EGLN2: variants seen among roughly 807,000 people sequenced by gnomAD.
EGLN2 encodes the protein egl-9 family hypoxia inducible factor 2.
In EGLN2, 15 loss-of-function variants were observed where a neutral mutation model predicts 38.2. The ratio of observed to expected loss-of-function variants is 0.39; its 90% confidence interval spans 0.26 to 0.60. The LOEUF (loss-of-function observed/expected upper bound fraction) is 0.60. Among genes scored for constraint, EGLN2 ranks in the 20% least tolerant of loss-of-function variants. The pLI is 0.50. For missense variants in EGLN2, 492 were observed against 570.4 expected (o/e 0.86, Z 1.40); for synonymous variants, 284 against 237.4 (o/e 1.20, Z -1.81).
chr19:40,801,507 C>CAG, intron 2 of EGLN2, 92 bp downstream of exon 2: 1 of 1,513,110 alleles, frequency 6.6e-7, no homozygotes, highest in Non-Finnish European at 8.8e-7. Context: ...TGGAGACAGG[C>CAG]TTCTGGGAGG....
intron 2 of EGLN2, among the ~76,000 whole-genome samples, chr19:40,803,815 C>T (rs961553089): frequency 2.0e-5 from 3 of 152,084 alleles, no homozygotes; most frequent in African/African-American, 7.2e-5. Context: ...TCACAGGCTT[C>T]TGACTGGGGT....
In EGLN2 at chr19:40,800,781, C is replaced by T. The variant is rs2083250256; in HGVS notation, c.209C>T (p.Ser70Phe). 1.9e-6 allele frequency: 3 copies of T among 1,613,336 alleles called. No homozygotes were observed. The highest frequency in any genetic ancestry group is 2.5e-6 in the Non-Finnish European group (3 of 1,179,708). ...GGGACCCCCAGAGCCACAGCCACCTCTACCACTGCCAGCCCTCTTCGGGAC... is the reference window on the plus strand; with the variant it reads ...GGGACCCCCAGAGCCACAGCCACCTTTACCACTGCCAGCCCTCTTCGGGAC... The part of the protein sequence containing the change: ...GSGTPRATAT[S>F]TTASPLRDGF... The change falls in exon 2 of 6, where the codon TCT becomes TTT. Residue 70 changes from serine (S) to phenylalanine (F), a missense_variant. This residue lies in a region of EGLN2 where 378 missense variants were observed against 386.2 expected (regional missense o/e 0.98). Transcript: ENST00000303961.
intron 5 of EGLN2, 71 bp downstream of exon 5, chr19:40,807,622 C>A: frequency 6.5e-7 from 1 of 1,535,666 alleles, no homozygotes; most frequent in Non-Finnish European, 9.0e-7. Context: ...CCCCATCCCC[C>A]TCATCAGCCT....
At chr19:40,806,335 G>A in intron 2 of EGLN2, 1 of 790,436 alleles carries the variant, frequency 1.3e-6, no homozygotes, top group Non-Finnish European at 1.9e-6. Context: ...TTGGGAGGGA[G>A]TGGGCTCTTG....
chr19:40,802,587 T>TG (rs2083270514), intron 2 of EGLN2, among the ~76,000 whole-genome samples: 1 of 152,262 alleles, frequency 6.6e-6, no homozygotes. Flanking sequence ...CTCATTTGCT[T>TG]GGAGTTTCCG....
rs540150244 is a variant in EGLN2 at position 40,808,286 on chromosome 19, A to G, written c.*422A>G. 1 of 416,798 alleles carries G rather than the reference A, an allele frequency of 2.4e-6. No individual in the cohort carries two copies. Among genetic ancestry groups the G allele is most frequent in the African/African-American group, 2.0e-5 (1 of 49,046 alleles). 25.8% of individuals were successfully genotyped at this position (416,798 alleles called of 1,614,324 possible). ...AGTCCTCTCACTCCTCCAGCCTGGA[A>G]TGTGAAGTGACTCCCCAACCCCTTT... On this transcript the variant is annotated 3_prime_UTR_variant, in exon 6 of 6. Coordinates refer to ENST00000303961, the MANE Select transcript of EGLN2 (RefSeq NM_080732.4).
intron 4 of EGLN2, 46 bp from the exon 5 acceptor site, chr19:40,807,438 T>G: frequency 6.2e-7 from 1 of 1,611,548 alleles, no homozygotes; most frequent in South Asian, 1.1e-5. Context: ...GTGGATATGG[T>G]AGCTGGAATT....
At chr19:40,806,460 G>A in intron 2 of EGLN2, 95 bp from the exon 3 acceptor site, 2 of 1,572,954 alleles carry the variant, frequency 1.3e-6, no homozygotes, top group South Asian at 1.2e-5. Context: ...GGGAAGATGG[G>A]GCAAGGAGGG....
At chr19:40,807,356 C>T (rs144553930) in intron 4 of EGLN2, 82 bp downstream of exon 4, 33,477 of 1,605,396 alleles carry the variant, frequency 0.021, 363 homozygotes, top group Non-Finnish European at 0.023. Flanking sequence ...GACTAGGGAG[C>T]GACGAAGTAT....
At chr19:40,799,561 G>T (rs1409614228) in intron 1 of EGLN2, 1 of 151,916 alleles carries the variant, frequency 6.6e-6, no homozygotes. Flanking sequence ...GCTCAGAAGG[G>T]GCCTCAGGGC....
Position 40,808,013 on chromosome 19 carries a change from A to T in EGLN2, c.*149A>T. On this transcript the variant is annotated 3_prime_UTR_variant, in exon 6 of 6. Transcript: ENST00000303961. ...TGGAGGGCTCTGTCTGTTGCTGAGG[A>T]CCAAGGAGGAGAAGAGACCTTTGCT... 1.3e-6 allele frequency: 1 copy of T among 760,564 alleles called. No homozygotes were observed. Among genetic ancestry groups the T allele is most frequent in the Non-Finnish European group, 2.1e-6 (1 of 465,926 alleles). 47.1% of individuals were successfully genotyped at this position (760,564 alleles called of 1,614,324 possible). A position where few individuals can be genotyped will look rare whatever the true frequency, so the allele number is the denominator to read the frequency against.
At chr19:40,807,778 C>G (rs1237356619) in intron 5 of EGLN2, 31 bp from the exon 6 acceptor site, 1 of 1,611,972 alleles carries the variant, frequency 6.2e-7, no homozygotes, top group African/African-American at 1.3e-5. Context: ...CTTCTGATGA[C>G]TCACTGTCTC....
intron 2 of EGLN2, chr19:40,806,017 T>G (rs117139969): frequency 0.016 from 2,462 of 153,474 alleles, 29 homozygotes; most frequent in Non-Finnish European, 0.023. Flanking sequence ...TGGGGATTCT[T>G]TGTAGTCCAG....
At chr19:40,799,625 C>A (rs34406232) in intron 1 of EGLN2, 2,755 of 152,312 alleles carry the variant, frequency 0.018, 39 homozygotes, top group Non-Finnish European at 0.026. Flanking sequence ...CTTTATCTCT[C>A]GTCCTGTCTC....
rs2083252205 is a variant in EGLN2 at position 40,800,958 on chromosome 19, C to T, written c.386C>T (p.Pro129Leu). The change falls in exon 2 of 6, where the codon CCT (proline) becomes CTT (leucine). Residue 129 changes from proline (P) to leucine (L), a missense_variant. Coordinates refer to ENST00000303961, the MANE Select transcript of EGLN2 (RefSeq NM_080732.4). The part of the protein sequence containing the change: ...RKWAEDGGDA[P>L]SPSKRPWARQ... ...TGGGCCGAGGATGGTGGGGATGCCC[C>T]TTCACCCAGCAAACGGCCCTGGGCC... 3 of 1,611,200 alleles carry T rather than the reference C, an allele frequency of 1.9e-6. No individual in the cohort carries two copies. The highest frequency in any genetic ancestry group is 2.2e-5 in the East Asian group (1 of 44,816).
In EGLN2 at chr19:40,800,881, G is replaced by C. The variant is rs771028886; in HGVS notation, c.309G>C (p.Gly103=). The C allele has an allele frequency of 1.9e-6, 3 of 1,611,448 alleles. No homozygotes were observed. The highest frequency in any genetic ancestry group is 2.5e-6 in the Non-Finnish European group (3 of 1,179,232). Residue 103 remains glycine (G), a synonymous_variant, in exon 2 of 6, where the codon GGG becomes GGC. Transcript: ENST00000303961. ...GCGCTGCAGCGCTGGTCACCAAGGG[G>C]TGCCAGCGATTGGCAGCCCAGGGCG... The part of the protein sequence containing the change: ...SEGAAALVTK[G]CQRLAAQGAR...
chr19:40,804,788 C>T (rs1050451841), intron 2 of EGLN2: 1 of 152,170 alleles, frequency 6.6e-6, no homozygotes, highest in African/African-American at 2.4e-5. Flanking sequence ...AAGAAGGTGC[C>T]CCCTCCTGAA....
In EGLN2 at chr19:40,801,106, C is replaced by T. The variant is rs760435981; in HGVS notation, c.534C>T (p.Ala178=). The change falls in exon 2 of 6, where the codon GCC becomes GCT. Residue 178 remains alanine, a synonymous_variant. Coordinates refer to ENST00000303961, the MANE Select transcript of EGLN2 (RefSeq NM_080732.4). ...TGCCCTCTGCGCCCGAGCGCCTGGC[C>T]CTGGACTATATCGTGCCCTGCATGC... ...EALPSAPERL[A]LDYIVPCMRY... The T allele has an allele frequency of 1.9e-6, 3 of 1,612,862 alleles. No individual in the cohort carries two copies. The highest frequency in any genetic ancestry group is 1.1e-5 in the South Asian group (1 of 91,088).
Position 40,800,692 on chromosome 19 carries a change from G to T in EGLN2, c.120G>T (p.Leu40=). The T allele has an allele frequency of 6.2e-7, 1 of 1,614,042 alleles. No homozygotes were observed. The highest frequency in any genetic ancestry group is 8.5e-7 in the Non-Finnish European group (1 of 1,180,008). The change falls in exon 2 of 6, where the codon CTG becomes CTT. Residue 40 remains leucine, a synonymous_variant. Coordinates refer to ENST00000303961, the MANE Select transcript of EGLN2 (RefSeq NM_080732.4). The part of the protein sequence containing the change: ...GRARMGVESY[L]PCPLLPSYHC... ...CCAGGATGGGAGTGGAGAGTTACCTGCCCTGTCCCCTGCTCCCCTCCTACC... is the reference window on the plus strand; with the variant it reads ...CCAGGATGGGAGTGGAGAGTTACCTTCCCTGTCCCCTGCTCCCCTCCTACC...
Sources: allele counts gnomAD v4.1 joint callset (sites outside exome capture counted in the v4.1 genomes callset), GRCh38; gene constraint gnomAD v4.1.1; regional missense constraint gnomAD v4.1.1; transcripts MANE v1.5; gene names NCBI Gene and HGNC (gene_info 2026-07-23, HGNC 2026-07-21).